The following KCNH5 variants were observed in gnomAD, a reference collection of about 807,000 sequenced individuals.
KCNH5 encodes the protein voltage-gated delayed rectifier potassium channel KCNH5.
A neutral mutation model predicts 96.1 loss-of-function variants in KCNH5; 46 were observed. The ratio of observed to expected loss-of-function variants is 0.48; its 90% CI spans 0.38 to 0.61. KCNH5 has a LOEUF of 0.61. Among genes scored for constraint, KCNH5 ranks in the 20% least tolerant of loss-of-function variants. The pLI is 0.00. For missense variants in KCNH5, 907 were observed against 1,225.8 expected (o/e 0.74, Z 3.88); for synonymous variants, 439 against 449.8 (o/e 0.98, Z 0.30).
chr14:62,954,606 G>T (rs1429658368), intron 6 of KCNH5, among the ~76,000 whole-genome samples: 14 of 152,098 alleles, frequency 9.2e-5, no homozygotes. Context: ...TGTAACTTAG[G>T]GTTGCATTAA....
intron 10 of KCNH5, among the ~76,000 whole-genome samples, chr14:62,757,067 A>G (rs1885639400): frequency 6.6e-6 from 1 of 152,218 alleles, no homozygotes; most frequent in Non-Finnish European, 1.5e-5. Context: ...AATAACCAGA[A>G]TATATAAGGA....
chr14:62,893,737 G>A (rs1435655414), intron 7 of KCNH5, among the ~76,000 whole-genome samples: 7 of 139,052 alleles, frequency 5.0e-5, no homozygotes, highest in Admixed American at 3.5e-4. Flanking sequence ...GCGACAGAGC[G>A]AGACTCCAAC....
At chr14:62,903,669 T>C (rs988290097) in intron 7 of KCNH5, among the ~76,000 whole-genome samples, 1 of 151,750 alleles carries the variant, frequency 6.6e-6, no homozygotes, top group Non-Finnish European at 1.5e-5. Context: ...AGCACAATAG[T>C]AAACAAACGT....
At chr14:62,974,689 T>A (rs1445550726) in intron 6 of KCNH5, among the ~76,000 whole-genome samples, 4 of 152,204 alleles carry the variant, frequency 2.6e-5, no homozygotes, top group Admixed American at 6.5e-5. Context: ...GTAAAAGGAT[T>A]ATATCGTAAT....
chr14:62,941,867 C>A (rs1889796266), intron 7 of KCNH5, among the ~76,000 whole-genome samples: 1 of 152,156 alleles, frequency 6.6e-6, no homozygotes, highest in African/African-American at 2.4e-5. Flanking sequence ...AGGTCGAGTA[C>A]CTCTCCAAGT....
intron 7 of KCNH5, among the ~76,000 whole-genome samples, chr14:62,917,890 T>C (rs1206488116): frequency 6.6e-6 from 1 of 152,198 alleles, no homozygotes; most frequent in Non-Finnish European, 1.5e-5. Flanking sequence ...AGGATCATAT[T>C]AACAGTCAAG....
intron 6 of KCNH5, among the ~76,000 whole-genome samples, chr14:62,958,451 T>G (rs1890147124): frequency 6.6e-6 from 1 of 152,124 alleles, no homozygotes; most frequent in South Asian, 2.1e-4. Context: ...AATCTAAAAT[T>G]TGTTATATTC....
intron 10 of KCNH5, among the ~76,000 whole-genome samples, chr14:62,740,856 T>C (rs943547292): frequency 1.3e-5 from 2 of 152,148 alleles, no homozygotes; most frequent in Non-Finnish European, 2.9e-5. Flanking sequence ...TACAAACTGA[T>C]TAGCTTCGAG....
At chr14:62,810,142 A>G (rs1886843553) in intron 8 of KCNH5, among the ~76,000 whole-genome samples, 1 of 152,134 alleles carries the variant, frequency 6.6e-6, no homozygotes, top group Non-Finnish European at 1.5e-5. Flanking sequence ...GATTCCTTAA[A>G]CTAAACACTT....
At chr14:62,813,370 A>G (rs534326293) in intron 8 of KCNH5, among the ~76,000 whole-genome samples, 20 of 152,318 alleles carry the variant, frequency 1.3e-4, no homozygotes, top group African/African-American at 4.1e-4. Context: ...ACTGAACACT[A>G]TTAATGAAGC....
At chr14:62,746,957 G>T (rs10483755) in intron 10 of KCNH5, among the ~76,000 whole-genome samples, 1,857 of 152,326 alleles carry the variant, frequency 0.012, 37 homozygotes, top group East Asian at 0.09. Context: ...ATCATGTTAA[G>T]ATCAAAATTT....
chr14:62,865,613 C>T lies in KCNH5; in HGVS notation c.1370-15761G>A, dbSNP rs200709845. ...ACCTGGAGGGCCCGGGGGCTATCTG[C>T]GCTGTCTTGGCACTCTGCATATTCA... On this transcript the variant is annotated intron_variant, in intron 7 of 10. Coordinates refer to ENST00000322893, the MANE Select transcript of KCNH5 (RefSeq NM_139318.5). Among the ~76,000 whole-genome samples, 14 of 152,288 alleles carry T rather than the reference C, an allele frequency of 9.2e-5. No homozygotes were observed. The East Asian group carries it at 2.5e-3, about 27-fold the overall frequency.
intron 10 of KCNH5, among the ~76,000 whole-genome samples, chr14:62,726,134 A>G (rs888326345): frequency 4.6e-5 from 7 of 152,212 alleles, no homozygotes; most frequent in Admixed American, 1.3e-4. Flanking sequence ...CTCACACCGT[A>G]TAACTAAATC....
At chr14:62,948,083 T>C (rs1889927387) in intron 7 of KCNH5, among the ~76,000 whole-genome samples, 2 of 151,710 alleles carry the variant, frequency 1.3e-5, no homozygotes, top group East Asian at 3.9e-4. Context: ...CGGTGTTTGG[T>C]TTTTTGTTCT....
At chr14:62,727,500 G>A (rs1884954667) in intron 10 of KCNH5, among the ~76,000 whole-genome samples, 1 of 152,186 alleles carries the variant, frequency 6.6e-6, no homozygotes, top group Non-Finnish European at 1.5e-5. Context: ...TATGTGTTCA[G>A]TTTGTGAAAA....
chr14:62,925,631 C>A (rs976572677), intron 7 of KCNH5, among the ~76,000 whole-genome samples: 1 of 152,040 alleles, frequency 6.6e-6, no homozygotes, highest in Non-Finnish European at 1.5e-5. Context: ...GCACCCCTGG[C>A]ACATATACCT....
In KCNH5 at chr14:63,003,003, C is replaced by T. The variant is rs1292671397; in HGVS notation, c.305-1544G>A. Among the ~76,000 whole-genome samples the T allele has an allele frequency of 3.3e-5, 5 of 152,142 alleles. No individual in the cohort carries two copies. In the East Asian group the frequency reaches 7.7e-4, roughly 24 times the overall value. On this transcript the variant is annotated intron_variant, in intron 3 of 10. Coordinates refer to ENST00000322893, the MANE Select transcript of KCNH5 (RefSeq NM_139318.5). The stretch of plus-strand genomic sequence containing the variant: ...AGTGGATACATGGCCTGTAGCTATT[C>T]CAACACAGTAAGCTTGAGGCAGAAG...
chr14:62,949,189 A>G (rs1432248467), intron 7 of KCNH5, among the ~76,000 whole-genome samples: 40 of 152,288 alleles, frequency 2.6e-4, no homozygotes, highest in African/African-American at 8.2e-4. Flanking sequence ...GAAATAAAGG[A>G]TATTCAATTA....
intron 6 of KCNH5, among the ~76,000 whole-genome samples, chr14:62,978,163 G>A (rs1890537061): frequency 6.6e-6 from 1 of 152,126 alleles, no homozygotes; most frequent in South Asian, 2.1e-4. Flanking sequence ...TTTTTAAAAA[G>A]GCCTTGATTT....
Sources: allele counts gnomAD v4.1 joint callset (sites outside exome capture counted in the v4.1 genomes callset), GRCh38; gene constraint gnomAD v4.1.1; transcripts MANE v1.5; gene names NCBI Gene and HGNC (gene_info 2026-07-23, HGNC 2026-07-21).